AGBL1: variants seen among roughly 807,000 people sequenced by gnomAD.
AGBL1 encodes cytosolic carboxypeptidase 4.
A neutral mutation model predicts 118.9 loss-of-function variants in AGBL1; 130 were observed. The ratio of observed to expected loss-of-function variants is 1.09; its 90% CI spans 0.95 to 1.26. The LOEUF (loss-of-function observed/expected upper bound fraction) is 1.26, where lower values mean the gene tolerates loss of function less well. AGBL1 is among the 50% of genes most tolerant of loss of function. The pLI is 0.00. For missense variants in AGBL1, 1,584 were observed against 1,298.1 expected (o/e 1.22, Z -3.38); for synonymous variants, 555 against 478.9 (o/e 1.16, Z -2.08).
chr15:86,142,845 A>G (rs1166080976), intron 2 of AGBL1, among the ~76,000 whole-genome samples: 2 of 152,154 alleles, frequency 1.3e-5, no homozygotes, highest in East Asian at 3.9e-4. Context: ...GGTGTCTGAA[A>G]CTCTTAAGAC....
At chr15:86,936,256 G>A (rs2080673761) in intron 23 of AGBL1, among the ~76,000 whole-genome samples, 1 of 152,084 alleles carries the variant, frequency 6.6e-6, no homozygotes, top group Non-Finnish European at 1.5e-5. Context: ...GTGTGTGTGT[G>A]TGTGTGTGTG....
At position 86,982,068 on chromosome 15, in the gene AGBL1, C is replaced by T. The variant is rs192782780; in HGVS notation, c.3222-5919C>T. On this transcript the variant is annotated intron_variant, in intron 23 of 24. Coordinates refer to the AGBL1 transcript ENST00000441037. ...AATATTCTGCTTAAGAAATGATCAT[C>T]AAAACGATGAAGGCCCCAGGTACCT... Among the ~76,000 whole-genome samples the T allele has an allele frequency of 2.0e-5, 3 of 152,206 alleles. No homozygotes were observed. In the East Asian group the frequency reaches 5.8e-4, roughly 29 times the overall value.
At chr15:86,870,883 A>T (rs2079718335) in intron 22 of AGBL1, among the ~76,000 whole-genome samples, 1 of 152,208 alleles carries the variant, frequency 6.6e-6, no homozygotes, top group South Asian at 2.1e-4. Context: ...CAGAAACAAC[A>T]TTGGAATTTT....
intron 17 of AGBL1, among the ~76,000 whole-genome samples, chr15:86,319,120 C>T (rs73451601): frequency 0.034 from 5,185 of 152,168 alleles, 305 homozygotes; most frequent in African/African-American, 0.12. Context: ...CCGAGTTGTT[C>T]CTGAATATTT....
At chr15:86,918,156 A>G (rs1223513818), downstream of AGBL1, among the ~76,000 whole-genome samples, 1 of 152,238 alleles carries the variant, frequency 6.6e-6, no homozygotes, top group Non-Finnish European at 1.5e-5. Context: ...TAATGATAAT[A>G]ATCAACTTAC....
chr15:86,658,008 A>T (rs886405988), intron 21 of AGBL1, among the ~76,000 whole-genome samples: 3 of 151,888 alleles, frequency 2.0e-5, no homozygotes, highest in Non-Finnish European at 4.4e-5. Context: ...AAATATATAC[A>T]TACACATAAA....
chr15:86,644,654 C>T (rs1247392186), intron 21 of AGBL1, among the ~76,000 whole-genome samples: 1 of 142,088 alleles, frequency 7.0e-6, no homozygotes, highest in East Asian at 2.1e-4. Context: ...AAAAAAAAAT[C>T]AATATCATGA....
intron 22 of AGBL1, among the ~76,000 whole-genome samples, chr15:86,790,196 C>T (rs772349987): frequency 6.6e-6 from 1 of 151,966 alleles, no homozygotes; most frequent in Non-Finnish European, 1.5e-5. Context: ...GAGGAAAGTA[C>T]TGTGTTTCTC....
intron 21 of AGBL1, among the ~76,000 whole-genome samples, chr15:86,574,284 G>A (rs916770392): frequency 1.3e-5 from 2 of 152,188 alleles, no homozygotes; most frequent in African/African-American, 4.8e-5. Flanking sequence ...GACATGTTCA[G>A]GTTGCACCAT....
At chr15:86,504,281 C>T (rs1237107917) in intron 18 of AGBL1, among the ~76,000 whole-genome samples, 1 of 151,416 alleles carries the variant, frequency 6.6e-6, no homozygotes, top group African/African-American at 2.4e-5. Context: ...TCTTTTCCTT[C>T]TTTTAACCCA....
In AGBL1 at chr15:86,655,605, A is replaced by G. The variant is rs78403091; in HGVS notation, c.2995-18668A>G. On this transcript the variant is annotated intron_variant, in intron 21 of 22. Transcript: ENST00000614907. ...ACCTCTAGGAAAGGACTTCCTCCCC[A>G]TCAAATTCATATATGTTGACAAAAA... Among the ~76,000 whole-genome samples the G allele has an allele frequency of 5.2e-3, 785 of 152,278 alleles. 4 individuals are homozygous for G. Among genetic ancestry groups the G allele is most frequent in the African/African-American group, 0.018 (753 of 41,548 alleles).
chr15:86,108,125 G>A (rs943327989), intron 1 of AGBL1, among the ~76,000 whole-genome samples: 10 of 152,116 alleles, frequency 6.6e-5, no homozygotes, highest in African/African-American at 9.7e-5. Context: ...CAATTATCTC[G>A]CTGCAACCAG....
At chr15:86,141,968 C>G (rs1202162430) in intron 1 of AGBL1, 36 bp from the exon 2 acceptor site, 3 of 1,542,876 alleles carry the variant, frequency 1.9e-6, no homozygotes, top group Non-Finnish European at 2.6e-6. Context: ...CTTCCTCTTG[C>G]ATTCTTAAAT....
At chr15:86,113,212 T>TTTTTCTTTTTCTTTTCTTTTCTTTTC (rs1555430664) in intron 1 of AGBL1, among the ~76,000 whole-genome samples, 1 of 122,132 alleles carries the variant, frequency 8.2e-6, no homozygotes, top group Non-Finnish European at 1.7e-5. Flanking sequence ...TTTCTTTTTC[T>TTTTTCTTTTTCTTTTCTTTTCTTTTC]TTTTCTTTTC....
chr15:86,517,324 C>G (rs1239028613), intron 18 of AGBL1, among the ~76,000 whole-genome samples: 1 of 152,190 alleles, frequency 6.6e-6, no homozygotes, highest in Non-Finnish European at 1.5e-5. Context: ...CCATTAGGAT[C>G]TTGTTAAAAT....
At chr15:86,568,080 T>C (rs767223260) in intron 21 of AGBL1, among the ~76,000 whole-genome samples, 5 of 152,186 alleles carry the variant, frequency 3.3e-5, no homozygotes, top group Non-Finnish European at 5.9e-5. Context: ...TTTTTCTTCA[T>C]CCATGCTTTT....
chr15:86,842,308 C>A (rs2079257086), intron 22 of AGBL1, among the ~76,000 whole-genome samples: 1 of 151,866 alleles, frequency 6.6e-6, no homozygotes, highest in Non-Finnish European at 1.5e-5. Flanking sequence ...GTATAGGAAT[C>A]ACTGAAAACC....
At chr15:86,975,171 C>T in intron 23 of AGBL1, among the ~76,000 whole-genome samples, 1 of 151,856 alleles carries the variant, frequency 6.6e-6, no homozygotes. Context: ...AGTCTGTTCT[C>T]AAGCTGCTAA....
intron 22 of AGBL1, among the ~76,000 whole-genome samples, chr15:86,761,140 G>A (rs753099486): frequency 7.2e-5 from 11 of 151,934 alleles, no homozygotes; most frequent in Non-Finnish European, 1.2e-4. Context: ...GATTACTTCC[G>A]GAATTAATTT....
Sources: allele counts gnomAD v4.1 joint callset (sites outside exome capture counted in the v4.1 genomes callset), GRCh38; gene constraint gnomAD v4.1.1; transcripts MANE v1.5; gene names NCBI Gene and HGNC (gene_info 2026-07-23, HGNC 2026-07-21).